The following PCNX2 variants were observed in gnomAD, a reference collection of about 807,000 sequenced individuals.
The protein encoded by PCNX2 is pecanex 2.
PCNX2 carries 168 observed loss-of-function variants against 223.8 expected under a neutral mutation model. The ratio of observed to expected loss-of-function variants is 0.75; its 90% confidence interval spans 0.66 to 0.85. The LOEUF is 0.85. Among genes scored for constraint, PCNX2 ranks in the 40% least tolerant of loss-of-function variants. The pLI is 0.00. For missense variants in PCNX2, 2,507 were observed against 2,675.5 expected (o/e 0.94, Z 1.39); for synonymous variants, 1,006 against 1,052.6 (o/e 0.96, Z 0.86).
intron 25 of PCNX2, among the ~76,000 whole-genome samples, chr1:233,053,708 C>T (rs961592727): frequency 3.9e-5 from 6 of 152,082 alleles, no homozygotes; most frequent in East Asian, 3.9e-4. Context: ...TCCTCATTTG[C>T]GGGAAAACTG....
chr1:233,070,126 C>G (rs915862949), intron 23 of PCNX2, among the ~76,000 whole-genome samples: 1 of 152,006 alleles, frequency 6.6e-6, no homozygotes, highest in Non-Finnish European at 1.5e-5. Context: ...TGGACCAGTT[C>G]CTCAAAAAAA....
chr1:233,270,796 A>G (rs12123531), intron 1 of PCNX2, among the ~76,000 whole-genome samples: 15,066 of 152,186 alleles, frequency 0.099, 902 homozygotes, highest in South Asian at 0.19. Context: ...TAGAGAGGTG[A>G]CAAGTGAGTG....
At position 233,295,510 on chromosome 1, in the gene PCNX2, C is replaced by G; in HGVS notation, c.-32G>C. On this transcript the variant is annotated 5_prime_UTR_variant, in exon 1 of 34. Transcript: ENST00000258229. This position sits in a 1 kb window ranked among gnomAD's most constrained non-coding sequence, Gnocchi z 4.1. ...TGCGCCCCGGGGCTGGTGAGCGCCC[C>G]GCTGCACCCTGCGCGCCCCGGCCGG... 1 of 1,507,158 alleles carries G rather than the reference C, an allele frequency of 6.6e-7. No individual in the cohort carries two copies. The highest frequency in any genetic ancestry group is 1.3e-5 in the South Asian group (1 of 78,880). The allele number at this position is 1,507,158 out of a possible 1,614,324, so 93.4% of individuals were successfully genotyped here.
chr1:233,217,848 C>A, intron 12 of PCNX2, 51 bp downstream of exon 12: 1 of 1,610,716 alleles, frequency 6.2e-7, no homozygotes, highest in South Asian at 1.1e-5. Flanking sequence ...TTTTCCCTGT[C>A]TTCAACACAG....
intron 9 of PCNX2, among the ~76,000 whole-genome samples, chr1:233,236,044 A>T (rs1658391263): frequency 6.6e-6 from 1 of 150,438 alleles, no homozygotes; most frequent in African/African-American, 2.4e-5. Flanking sequence ...ATTTCCAGGA[A>T]AAAGGTAAAC....
intron 23 of PCNX2, among the ~76,000 whole-genome samples, chr1:233,067,365 C>CAAAAAAAAAAAAAGAAAAAAAAAAAAAA (rs1672653823): frequency 2.6e-4 from 1 of 3,888 alleles, no homozygotes; most frequent in African/African-American, 6.3e-4. Context: ...AGAGCTTCAG[C>CAAAAAAAAAAAAAGAAAAAAAAAAAAAA]AAAAAAAAAA....
chr1:233,078,701 G>A (rs1445291164), intron 23 of PCNX2, among the ~76,000 whole-genome samples: 1 of 152,158 alleles, frequency 6.6e-6, no homozygotes, highest in African/African-American at 2.4e-5. Flanking sequence ...GCAGTCGCAT[G>A]GTCGGCTACA....
intron 19 of PCNX2, among the ~76,000 whole-genome samples, chr1:233,145,680 A>G (rs950987635): frequency 2.6e-5 from 4 of 152,152 alleles, no homozygotes; most frequent in African/African-American, 9.7e-5. Context: ...CATTTGAAGC[A>G]TCATTCTGGT....
chr1:233,271,811 C>G (rs1660652045), intron 1 of PCNX2, among the ~76,000 whole-genome samples: 1 of 152,164 alleles, frequency 6.6e-6, no homozygotes, highest in Non-Finnish European at 1.5e-5. Context: ...TCTGGGTTCT[C>G]TGTTCTATTC....
chr1:233,034,782 T>C (rs768551889), intron 25 of PCNX2, among the ~76,000 whole-genome samples: 6 of 152,198 alleles, frequency 3.9e-5, no homozygotes, highest in African/African-American at 7.2e-5. Flanking sequence ...GGTACCTTCC[T>C]GGCTGGGAGG....
intron 23 of PCNX2, among the ~76,000 whole-genome samples, chr1:233,063,667 C>A (rs1194344302): frequency 6.6e-6 from 1 of 152,122 alleles, no homozygotes; most frequent in Non-Finnish European, 1.5e-5. Flanking sequence ...ATTGAGGATT[C>A]ATGTCTTTCA....
At chr1:233,288,790 CCAGGAAAGATGCCCTTTTTTTT>C in intron 1 of PCNX2, 1 of 714,422 alleles carries the variant, frequency 1.4e-6, no homozygotes. Flanking sequence ...GGCCCAGGAC[CCAGGAAAGATGCCCTTTTTTTT>C]TTTTTTTTTT....
chr1:233,316,992 A>G, the PCNX2 span, among the ~76,000 whole-genome samples: 2 of 152,244 alleles, frequency 1.3e-5, no homozygotes, highest in Admixed American at 1.3e-4. Flanking sequence ...CTTGACGTTC[A>G]CAAAAATAGG....
upstream of PCNX2, among the ~76,000 whole-genome samples, chr1:233,296,799 A>G (rs1401547688): frequency 6.6e-6 from 1 of 152,160 alleles, no homozygotes; most frequent in African/African-American, 2.4e-5. Flanking sequence ...AGCAGCACTT[A>G]CTTATGGCTG....
chr1:233,160,926 C>G lies in PCNX2; in HGVS notation c.3366+345G>C, dbSNP rs186058786. 6.6e-5 allele frequency among the ~76,000 whole-genome samples: 10 copies of G among 152,288 alleles called. No individual in the cohort carries two copies. In the East Asian group the frequency reaches 1.9e-3, roughly 29 times the overall value. Reference sequence around the variant, plus strand: ...CTGCCTCACCCCGATACGGTGACTCCTCTTTTCTCTATTCATAGTAGAGCA... The same window carrying G: ...CTGCCTCACCCCGATACGGTGACTCGTCTTTTCTCTATTCATAGTAGAGCA... On this transcript the variant is annotated intron_variant, in intron 18 of 33. Transcript: ENST00000258229.
intron 25 of PCNX2, among the ~76,000 whole-genome samples, chr1:233,026,335 T>A (rs1426117593): frequency 6.6e-6 from 1 of 152,028 alleles, no homozygotes; most frequent in South Asian, 2.1e-4. Flanking sequence ...AAGTCTATAG[T>A]GGAGGGCACA....
At chr1:233,250,663 A>G in intron 8 of PCNX2, 76 bp downstream of exon 8, 1 of 1,468,192 alleles carries the variant, frequency 6.8e-7, no homozygotes, top group Non-Finnish European at 9.0e-7. Context: ...CTAAACCAGA[A>G]TCCTCACTTT....
intron 1 of PCNX2, among the ~76,000 whole-genome samples, chr1:233,271,396 C>A (rs1660629538): frequency 6.6e-6 from 1 of 152,086 alleles, no homozygotes; most frequent in South Asian, 2.1e-4. Flanking sequence ...TTGACAAAGT[C>A]AAAAACTTAC....
intron 25 of PCNX2, among the ~76,000 whole-genome samples, chr1:233,029,036 C>A (rs1243096097): frequency 6.6e-6 from 1 of 152,102 alleles, no homozygotes; most frequent in African/African-American, 2.4e-5. Context: ...GATGGGGTTT[C>A]ACCATATTGG....
Sources: gnomAD v4.1 joint callset for allele counts (sites outside exome capture counted in the v4.1 genomes callset) on GRCh38, gnomAD v4.1.1 for gene constraint, Gnocchi (gnomAD v3.1) non-coding constraint, MANE v1.5 for transcripts, NCBI Gene and HGNC (gene_info 2026-07-23, HGNC 2026-07-21) for gene names.